CTNNBIP1: variants seen among roughly 807,000 people sequenced by gnomAD.
CTNNBIP1 encodes the protein beta-catenin-interacting protein 1.
CTNNBIP1 carries 7 observed loss-of-function variants against 11.8 expected under a neutral mutation model. The ratio of observed to expected loss-of-function variants is 0.60; its 90% CI spans 0.34 to 1.12. The LOEUF (loss-of-function observed/expected upper bound fraction) is 1.12. Among genes scored for constraint, CTNNBIP1 ranks in the 50% most tolerant of loss-of-function variants. CTNNBIP1 has a pLI of 0.03. For missense variants in CTNNBIP1, 101 were observed against 113.4 expected, an observed-to-expected ratio of 0.89 and a Z score of 0.50; for synonymous variants, 58 against 43.9, an observed-to-expected ratio of 1.32 and a Z score of -1.26.
chr1:9,855,381 A>T (rs1208866308), intron 5 of CTNNBIP1, among the ~76,000 whole-genome samples: 3 of 151,920 alleles, frequency 2.0e-5, no homozygotes, highest in Non-Finnish European at 2.9e-5. Flanking sequence ...TCCCAATTTC[A>T]AAACTTACTA....
intron 1 of CTNNBIP1, among the ~76,000 whole-genome samples, chr1:9,908,303 C>T (rs916553366): frequency 2.6e-5 from 4 of 151,874 alleles, no homozygotes; most frequent in Admixed American, 6.6e-5. Context: ...GTGATCTGCC[C>T]GCCTTGGCCT....
intron 1 of CTNNBIP1, among the ~76,000 whole-genome samples, chr1:9,897,238 A>G (rs1251410869): frequency 1.3e-5 from 2 of 151,598 alleles, no homozygotes; most frequent in African/African-American, 2.4e-5. Flanking sequence ...GCGGATCACG[A>G]GGTCAGGAGA....
intron 1 of CTNNBIP1, among the ~76,000 whole-genome samples, chr1:9,894,765 G>C (rs1001342410): frequency 6.6e-6 from 1 of 151,984 alleles, no homozygotes; most frequent in Non-Finnish European, 1.5e-5. Context: ...GTTTGAGACA[G>C]AGTCTCGCTC....
chr1:9,877,689 C>T (rs926303877), intron 3 of CTNNBIP1, among the ~76,000 whole-genome samples: 1 of 152,196 alleles, frequency 6.6e-6, no homozygotes, highest in African/African-American at 2.4e-5. Flanking sequence ...AGAATCTGTA[C>T]ATGTCTTAGC....
intron 5 of CTNNBIP1, among the ~76,000 whole-genome samples, chr1:9,852,978 C>A (rs752106271): frequency 2.7e-4 from 41 of 152,204 alleles, no homozygotes; most frequent in African/African-American, 9.9e-4. Context: ...GTCCTGCGCT[C>A]TGAGGGTGGG....
rs546435624 is a variant in CTNNBIP1, at chr1:9,883,112, C to T, written c.-110+593G>A. Reference sequence around the variant, plus strand: ...ACAGCGGGTGCCTGGGTGGCAGCAGCGGGACGGCGCAGGAGGGTAGGTCAG... The same window carrying T: ...ACAGCGGGTGCCTGGGTGGCAGCAGTGGGACGGCGCAGGAGGGTAGGTCAG... On this transcript the variant is annotated intron_variant, in intron 2 of 5. Transcript: ENST00000377263. The surrounding 1 kb of genome is among the most constrained non-coding windows in gnomAD (Gnocchi z 5.6). Among the ~76,000 whole-genome samples, 2 of 152,152 alleles carry T rather than the reference C, an allele frequency of 1.3e-5. No homozygotes were observed. Among genetic ancestry groups the T allele is most frequent in the Admixed American group, 6.5e-5 (1 of 15,282 alleles).
At chr1:9,863,076 C>T (rs1384566643) in intron 5 of CTNNBIP1, among the ~76,000 whole-genome samples, 2 of 152,112 alleles carry the variant, frequency 1.3e-5, no homozygotes, top group Non-Finnish European at 2.9e-5. Context: ...CTCCCTGGAG[C>T]CGCAGCCAGG....
At chr1:9,909,339 T>C (rs1639684016) in intron 1 of CTNNBIP1, among the ~76,000 whole-genome samples, 1 of 152,166 alleles carries the variant, frequency 6.6e-6, no homozygotes, top group Non-Finnish European at 1.5e-5. Context: ...CATAAAACTC[T>C]TGATTTGCGG....
intron 1 of CTNNBIP1, chr1:9,892,925 T>A (rs1639339661): frequency 6.6e-6 from 1 of 152,178 alleles, no homozygotes. Flanking sequence ...TCTCCAAATG[T>A]TTAACAAGCC....
intron 2 of CTNNBIP1, among the ~76,000 whole-genome samples, chr1:9,880,711 C>G (rs997249104): frequency 6.6e-6 from 1 of 152,198 alleles, no homozygotes; most frequent in Non-Finnish European, 1.5e-5. Context: ...TCCCAGTTTA[C>G]AGAGGAAGAA....
chr1:9,859,005 AACCAGGGCTTAAAAAC>A (rs563666354), intron 5 of CTNNBIP1, among the ~76,000 whole-genome samples: 228 of 152,282 alleles, frequency 1.5e-3, no homozygotes, highest in Non-Finnish European at 2.8e-3. Flanking sequence ...TGGAACTAAG[AACCAGGGCTTAAAAAC>A]ACCACCAAAG....
chr1:9,898,897 T>C (rs983099913), intron 1 of CTNNBIP1, among the ~76,000 whole-genome samples: 15 of 152,224 alleles, frequency 9.9e-5, no homozygotes, highest in Non-Finnish European at 1.9e-4. Flanking sequence ...TTTTTATTTG[T>C]ATTATTTGTT....
At position 9,850,557 on chromosome 1, in the gene CTNNBIP1, C is replaced by G; in HGVS notation, c.*161G>C. 1 of 657,034 alleles carries G rather than the reference C, an allele frequency of 1.5e-6. No homozygotes were observed. 40.7% of individuals were successfully genotyped at this position (657,034 alleles called of 1,614,324 possible). On this transcript the variant is annotated 3_prime_UTR_variant, in exon 6 of 6. Coordinates refer to ENST00000377263, the MANE Select transcript of CTNNBIP1 (RefSeq NM_020248.3). ...CGCACCACTGGTGTCTCCCTTGATG[C>G]CAGCCCCACTGAGTAGCTGTGAGGT...
chr1:9,900,208 A>C (rs1015568457), intron 1 of CTNNBIP1, among the ~76,000 whole-genome samples: 5 of 152,184 alleles, frequency 3.3e-5, no homozygotes, highest in African/African-American at 1.2e-4. Context: ...ATCCTGGCTA[A>C]CAAGGTGAAA....
rs1002393117 is a variant in CTNNBIP1 at position 9,850,007 on chromosome 1, C to G, written c.*711G>C. ...CCAGGTGGACCCTCAGGCCCAGAGC[C>G]GGCAGCAGAGGGGGGTGAATCCATG... On this transcript the variant is annotated 3_prime_UTR_variant, in exon 6 of 6. Transcript: ENST00000377263. 6.6e-6 allele frequency: 1 copy of G among 152,488 alleles called. No homozygotes were observed. Among genetic ancestry groups the G allele is most frequent in the East Asian group, 1.9e-4 (1 of 5,190 alleles). The allele number at this position is 152,488 out of a possible 1,614,324, so 9.4% of individuals were successfully genotyped here. A position where few individuals can be genotyped will look rare whatever the true frequency, so the allele number is the denominator to read the frequency against.
chr1:9,902,642 C>T (rs949385255), intron 1 of CTNNBIP1, among the ~76,000 whole-genome samples: 1 of 152,234 alleles, frequency 6.6e-6, no homozygotes, highest in Admixed American at 6.5e-5. Flanking sequence ...AGATCATGTC[C>T]TGACTCTCCT....
chr1:9,904,832 G>C (rs1639587261), intron 1 of CTNNBIP1, among the ~76,000 whole-genome samples: 1 of 152,174 alleles, frequency 6.6e-6, no homozygotes, highest in Non-Finnish European at 1.5e-5. Flanking sequence ...AAGCTGCTAA[G>C]CACTGGCAAC....
chr1:9,891,035 C>T (rs948646185), intron 1 of CTNNBIP1, among the ~76,000 whole-genome samples: 2 of 151,952 alleles, frequency 1.3e-5, no homozygotes, highest in Non-Finnish European at 2.9e-5. Context: ...CCATCAATCC[C>T]GCTGTCAAAA....
chr1:9,894,692 T>G (rs959259991), intron 1 of CTNNBIP1, among the ~76,000 whole-genome samples: 84 of 151,804 alleles, frequency 5.5e-4, no homozygotes, highest in African/African-American at 1.9e-3. Flanking sequence ...TATACCCAGC[T>G]AATTTTTATA....
Sources: gnomAD v4.1 joint callset for allele counts (sites outside exome capture counted in the v4.1 genomes callset) on GRCh38, gnomAD v4.1.1 for gene constraint, Gnocchi (gnomAD v3.1) non-coding constraint, MANE v1.5 for transcripts, NCBI Gene and HGNC (gene_info 2026-07-23, HGNC 2026-07-21) for gene names.